Variants in DNAH5 observed in about 807,000 individuals in gnomAD.
The protein encoded by DNAH5 is axonemal beta dynein heavy chain 5.
DNAH5 carries 372 observed loss-of-function variants against 518.2 expected under a neutral mutation model. The observed-to-expected ratio is 0.72, with a 90% CI of 0.66 to 0.78. The LOEUF (loss-of-function observed/expected upper bound fraction) is 0.78, where lower values mean the gene tolerates loss of function less well. DNAH5 is among the 30% of genes least tolerant of loss of function. The pLI is 0.00. For missense variants in DNAH5, 5,523 were observed against 5,687.0 expected (o/e 0.97, Z 0.93); for synonymous variants, 2,039 against 2,025.9 (o/e 1.01, Z -0.17).
At chr5:13,758,667 C>T in intron 61 of DNAH5, among the ~76,000 whole-genome samples, 179 bp downstream of exon 61, 1 of 152,204 alleles carries the variant, frequency 6.6e-6, no homozygotes, top group East Asian at 1.9e-4. Flanking sequence ...TGGCTATGTT[C>T]CAGCACTGAC....
chr5:13,951,193 T>G (rs1780367921), intron 1 of DNAH5, among the ~76,000 whole-genome samples: 1 of 147,518 alleles, frequency 6.8e-6, no homozygotes, highest in South Asian at 2.1e-4. Flanking sequence ...CTTTTGTTTT[T>G]TTTTTGTTTT....
intron 2 of DNAH5, among the ~76,000 whole-genome samples, chr5:13,929,604 C>T (rs576002149): frequency 2.0e-5 from 3 of 152,204 alleles, no homozygotes; most frequent in South Asian, 2.1e-4. Context: ...GCCACAGGGA[C>T]GAGGAGGAAG....
At chr5:14,000,766 G>T (rs534739319) in intron 1 of DNAH5, among the ~76,000 whole-genome samples, 1 of 152,070 alleles carries the variant, frequency 6.6e-6, no homozygotes, top group Non-Finnish European at 1.5e-5. Flanking sequence ...GTTAACTATC[G>T]TTCAACCCAG....
intron 1 of DNAH5, among the ~76,000 whole-genome samples, chr5:13,983,551 G>T (rs1399412914): frequency 6.6e-6 from 1 of 152,192 alleles, no homozygotes; most frequent in Non-Finnish European, 1.5e-5. Flanking sequence ...GCCCCTGGGA[G>T]ACAGCTGCAC....
At chr5:13,830,370 T>A (rs1763484038) in intron 36 of DNAH5, among the ~76,000 whole-genome samples, 157 bp from the exon 37 acceptor site, 1 of 152,080 alleles carries the variant, frequency 6.6e-6, no homozygotes, top group South Asian at 2.1e-4. Flanking sequence ...CAAAACAGCT[T>A]ACAATTTGGC....
rs770279297 is a variant in DNAH5, at chr5:13,914,509, C to T, written c.1320+11G>A. 6.2e-7 allele frequency: 1 copy of T among 1,612,266 alleles called. No homozygotes were observed. Among genetic ancestry groups the T allele is most frequent in the South Asian group, 1.1e-5 (1 of 91,022 alleles). On this transcript the variant is annotated intron_variant, in intron 10 of 78. Transcript: ENST00000265104. ...AAGAATAGAACATCTAAATACTAAA[C>T]TGACCATTACCTGTTTCAGTTTAAT...
chr5:13,936,542 A>ATT (rs1272711693), intron 1 of DNAH5, among the ~76,000 whole-genome samples: 1 of 152,194 alleles, frequency 6.6e-6, no homozygotes, highest in African/African-American at 2.4e-5. Context: ...ATAATCCTCA[A>ATT]CTATATGGGA....
intron 27 of DNAH5, 65 bp downstream of exon 27, chr5:13,865,603 T>C: frequency 1.0e-6 from 1 of 981,178 alleles, no homozygotes; most frequent in Non-Finnish European, 1.7e-6. Context: ...AGAACTTGGC[T>C]GCCTATCAAA....
chr5:13,812,606 C>A (rs1760867274), intron 43 of DNAH5, among the ~76,000 whole-genome samples: 2 of 152,080 alleles, frequency 1.3e-5, no homozygotes. Flanking sequence ...GTGCCTGGCC[C>A]CCAGATTTTT....
At chr5:13,950,441 T>C (rs2152035838) in intron 1 of DNAH5, among the ~76,000 whole-genome samples, 1 of 152,178 alleles carries the variant, frequency 6.6e-6, no homozygotes, top group East Asian at 1.9e-4. Flanking sequence ...CACGCCTGGC[T>C]AATTTTGTAT....
intron 1 of DNAH5, among the ~76,000 whole-genome samples, chr5:13,997,480 C>T (rs1231967647): frequency 6.6e-6 from 1 of 152,172 alleles, no homozygotes; most frequent in African/African-American, 2.4e-5. Flanking sequence ...CATATGTCTA[C>T]CAACATTCTG....
intron 1 of DNAH5, among the ~76,000 whole-genome samples, chr5:13,965,047 T>C (rs759274771): frequency 2.0e-5 from 3 of 152,172 alleles, no homozygotes; most frequent in Admixed American, 6.5e-5. Context: ...TAGTAATTAC[T>C]CCTTCAAGGT....
At chr5:13,841,577 T>C in intron 33 of DNAH5, 115 bp downstream of exon 33, 8 of 806,190 alleles carry the variant, frequency 9.9e-6, no homozygotes, top group Non-Finnish European at 1.6e-5. Flanking sequence ...CTTATGAAAA[T>C]CTTAATACTG....
rs1353093059 is a variant in DNAH5, at chr5:13,758,969, C to T, written c.10296G>A (p.Val3432=). The part of the protein sequence containing the change: ...EVLPLKANLV[V]QENRHLLAMQ... ...TGGCCAGGAGATGGCGATTCTCTTG[C>T]ACCACCAAGTTGGCCTGCACAGGAC... Residue 3432 remains valine, a synonymous_variant, in exon 61 of 79, where the codon GTG becomes GTA. Transcript: ENST00000265104. 6.2e-7 allele frequency: 1 copy of T among 1,614,136 alleles called. No individual in the cohort carries two copies. Among genetic ancestry groups the T allele is most frequent in the South Asian group, 1.1e-5 (1 of 91,082 alleles).
intron 65 of DNAH5, among the ~76,000 whole-genome samples, chr5:13,742,814 T>C (rs2126649611): frequency 6.6e-6 from 1 of 152,148 alleles, no homozygotes; most frequent in Admixed American, 6.6e-5. Flanking sequence ...ACAGTATAAT[T>C]GAAAATACTA....
chr5:13,966,015 C>T (rs552787294), intron 1 of DNAH5, among the ~76,000 whole-genome samples: 1 of 151,756 alleles, frequency 6.6e-6, no homozygotes, highest in East Asian at 1.9e-4. Flanking sequence ...CCCTAATGTC[C>T]ATTGTATCAT....
intron 69 of DNAH5, among the ~76,000 whole-genome samples, chr5:13,728,227 G>A (rs566368560): frequency 2.6e-5 from 4 of 152,180 alleles, no homozygotes; most frequent in African/African-American, 9.6e-5. Flanking sequence ...AGAGTAAAAG[G>A]ACATAGTACA....
chr5:13,898,918 C>CT (rs1774235531), intron 15 of DNAH5: 1 of 288,878 alleles, frequency 3.5e-6, no homozygotes. Context: ...CCTTGGCTTC[C>CT]TTTTTTTGTT....
intron 61 of DNAH5, among the ~76,000 whole-genome samples, chr5:13,758,281 T>C (rs1200296180): frequency 1.3e-5 from 2 of 152,062 alleles, no homozygotes; most frequent in South Asian, 2.1e-4. Flanking sequence ...GGCAGGTGTA[T>C]CACTTGAGCT....
Sources: allele counts gnomAD v4.1 joint callset (sites outside exome capture counted in the v4.1 genomes callset), GRCh38; gene constraint gnomAD v4.1.1; transcripts MANE v1.5; gene names NCBI Gene and HGNC (gene_info 2026-07-23, HGNC 2026-07-21).